Variants in DMBT1 observed in about 807,000 individuals in gnomAD.
DMBT1 encodes the protein deleted in malignant brain tumors 1.
A neutral mutation model predicts 252.9 loss-of-function variants in DMBT1; 198 were observed. The ratio of observed to expected loss-of-function variants is 0.78; its 90% CI spans 0.70 to 0.88. The LOEUF is 0.88. Among genes scored for constraint, DMBT1 ranks in the 40% least tolerant of loss-of-function variants. The pLI, the probability that DMBT1 is intolerant of heterozygous loss-of-function variation, is 0.00. For synonymous variants in DMBT1, 990 were observed against 942.7 expected (o/e 1.05, Z -0.92); for missense variants, 2,432 against 2,404.7 (o/e 1.01, Z -0.24).
At chr10:122,571,655 G>A (rs1244725674) in intron 4 of DMBT1, among the ~76,000 whole-genome samples, 1 of 152,160 alleles carries the variant, frequency 6.6e-6, no homozygotes, top group East Asian at 1.9e-4. Context: ...TTTAATTCAT[G>A]AAGAAACCTG....
chr10:122,568,093 A>G (rs919492516), intron 2 of DMBT1, among the ~76,000 whole-genome samples: 3 of 152,210 alleles, frequency 2.0e-5, no homozygotes, highest in Non-Finnish European at 4.4e-5. Flanking sequence ...GGCTTATCCC[A>G]GTGAAATGGC....
intron 6 of DMBT1, among the ~76,000 whole-genome samples, chr10:122,574,337 G>C (rs1432478445): frequency 6.6e-6 from 1 of 152,184 alleles, no homozygotes; most frequent in African/African-American, 2.4e-5. Context: ...GGCAGCCTGG[G>C]CTTTGGGAAG....
At position 122,619,343 on chromosome 10, in the gene DMBT1, T is replaced by A. The variant is rs1555010205; in HGVS notation, c.5245+6T>A. On this transcript the variant is annotated splice_donor_region_variant and intron_variant, in intron 42 of 55. Coordinates refer to ENST00000338354, the MANE Select transcript of DMBT1 (RefSeq NM_001377530.1). Reference sequence around the variant, plus strand: ...CCAGTCAACGCCCAGGCCAGGTGAGTCCCCAGCATCCTTCATCGGGATGTC... The same window carrying A: ...CCAGTCAACGCCCAGGCCAGGTGAGACCCCAGCATCCTTCATCGGGATGTC... 4 of 1,613,790 alleles carry A rather than the reference T, an allele frequency of 2.5e-6. No homozygotes were observed. Among genetic ancestry groups the A allele is most frequent in the Non-Finnish European group, 1.7e-6 (2 of 1,179,876 alleles).
At chr10:122,566,106 C>A in intron 2 of DMBT1, 110 bp downstream of exon 2, 1 of 1,202,114 alleles carries the variant, frequency 8.3e-7, no homozygotes, top group Non-Finnish European at 1.2e-6. Context: ...AAACGCCTGC[C>A]TTGTCGAATG....
intron 1 of DMBT1, among the ~76,000 whole-genome samples, chr10:122,563,999 G>T (rs1460178400): frequency 6.6e-6 from 1 of 152,220 alleles, no homozygotes; most frequent in African/African-American, 2.4e-5. Context: ...TCAGAAAAGA[G>T]GTGGGGATGT....
At chr10:122,617,926 G>T in intron 40 of DMBT1, 91 bp from the exon 41 acceptor site, 1 of 1,574,990 alleles carries the variant, frequency 6.3e-7, no homozygotes, top group Non-Finnish European at 8.6e-7. Context: ...AGGTGACTCT[G>T]GCCATTAGGA....
rs1038321544 is a variant in DMBT1, at chr10:122,621,427, T to C, written c.5608+47T>C. 2.5e-6 allele frequency: 4 copies of C among 1,612,260 alleles called. No individual in the cohort carries two copies. The African/African-American group carries it at 5.3e-5, about 22-fold the overall frequency. On this transcript the variant is annotated intron_variant, in intron 44 of 55. Coordinates refer to ENST00000338354, the MANE Select transcript of DMBT1 (RefSeq NM_001377530.1). ...CTCCCTCTCTTGGGGTGGAGTTTGC[T>C]CCAGAAGAAACTCCTAATTACATTC...
rs568455533 is a variant in DMBT1, at chr10:122,585,559, A to G, written c.1459+250A>G. 3.2e-4 allele frequency among the ~76,000 whole-genome samples: 48 copies of G among 148,374 alleles called. 2 individuals carry two copies. The highest frequency in any genetic ancestry group is 1.0e-3 in the East Asian group (5 of 4,790). ...CAGGAAACATCCTCATCCAGGTGCC[A>G]AGGAAAAGCCCTGGAAGCTTCCCTA... On this transcript the variant is annotated intron_variant, in intron 15 of 55. Coordinates refer to ENST00000338354, the MANE Select transcript of DMBT1 (RefSeq NM_001377530.1).
chr10:122,567,776 T>A (rs2097611669), intron 2 of DMBT1, among the ~76,000 whole-genome samples: 1 of 152,096 alleles, frequency 6.6e-6, no homozygotes, highest in South Asian at 2.1e-4. Flanking sequence ...GGAAGCAGGC[T>A]CAATTAGCCC....
Position 122,619,645 on chromosome 10 carries a change from G to A in DMBT1, c.5245+308G>A, listed in dbSNP as rs563037847. Among the ~76,000 whole-genome samples the A allele has an allele frequency of 5.9e-5, 9 of 152,318 alleles. No homozygotes were observed. In the South Asian group the frequency reaches 1.7e-3, roughly 28 times the overall value. ...CTTTAGCTCATTTATATTCAGAGCT[G>A]ATACAACCTTTCTGAGAATTGAGAG... is the stretch of plus-strand genomic sequence containing the variant. On this transcript the variant is annotated intron_variant, in intron 42 of 55. Transcript: ENST00000338354.
Position 122,618,302 on chromosome 10 carries a change from A to G in DMBT1, c.5177A>G (p.Asn1726Ser), listed in dbSNP as rs1213212024. 12 of 1,613,732 alleles carry G rather than the reference A, an allele frequency of 7.4e-6. No homozygotes were observed. The highest frequency in any genetic ancestry group is 3.3e-5 in the Admixed American group (2 of 59,994). ...SCPHNGWLSH[N>S]CGHHEDAGVI... is the part of the protein sequence containing the mutation. Reference sequence around the variant, plus strand: ...CCCCACAATGGCTGGCTCTCCCACAACTGTGGCCATCATGAAGATGCTGGT... The same window carrying G: ...CCCCACAATGGCTGGCTCTCCCACAGCTGTGGCCATCATGAAGATGCTGGT... The change falls in exon 41 of 56, where the codon AAC becomes AGC. Residue 1726 changes from asparagine to serine, a missense_variant. Around this residue, in one of 3 missense-constraint regions of DMBT1, gnomAD observed 1,162 missense variants for 1,169.0 expected, o/e 0.99. Transcript: ENST00000338354.
Position 122,586,267 on chromosome 10 carries a change from T to C in DMBT1, c.1667T>C (p.Ile556Thr), listed in dbSNP as rs766039747. The change falls in exon 16 of 56, where the codon ATT (isoleucine) becomes ACT (threonine). Residue 556 changes from isoleucine to threonine, a missense_variant. This residue lies in a region of DMBT1 where 1,264 missense variants were observed against 1,082.2 expected (regional missense o/e 1.17). Transcript: ENST00000338354. ...CGGTTTGGTCAGGGCTCAGGACCCA[T>C]TGTCCTGGATGACGTGCGCTGCTCA... ...NARFGQGSGP[I>T]VLDDVRCSGN... 6.3e-7 allele frequency: 1 copy of C among 1,588,772 alleles called. No individual in the cohort carries two copies. The highest frequency in any genetic ancestry group is 1.1e-5 in the South Asian group (1 of 86,992).
chr10:122,636,496 C>T (rs2098228376), intron 53 of DMBT1, among the ~76,000 whole-genome samples: 2 of 152,222 alleles, frequency 1.3e-5, no homozygotes, highest in African/African-American at 4.8e-5. Context: ...GTGCCAAAGG[C>T]AGAGGTGACC....
intron 41 of DMBT1, among the ~76,000 whole-genome samples, chr10:122,618,765 C>T (rs1294193587): frequency 6.6e-6 from 1 of 152,196 alleles, no homozygotes; most frequent in Non-Finnish European, 1.5e-5. Flanking sequence ...TCAGCTGAGA[C>T]CCAGTGAGGA....
chr10:122,570,294 G>A, intron 3 of DMBT1, 85 bp downstream of exon 3: 2 of 1,125,324 alleles, frequency 1.8e-6, no homozygotes, highest in East Asian at 2.4e-5. Flanking sequence ...AGATGCAGAA[G>A]CCATACTTCT....
rs560185074 is a variant in DMBT1, at chr10:122,580,249, G to A, written c.1003+348G>A. ...AGCACAGACAGCAAGGCAGGGGAGG[G>A]ATCCCCTCACTGCGAGGAACTCTGA... On this transcript the variant is annotated intron_variant, in intron 10 of 55. Transcript: ENST00000338354. 2.0e-5 allele frequency among the ~76,000 whole-genome samples: 3 copies of A among 152,310 alleles called. No individual in the cohort carries two copies. In the East Asian group the frequency reaches 5.8e-4, roughly 29 times the overall value.
At chr10:122,618,393 A>T (rs962059519) in intron 41 of DMBT1, 53 bp downstream of exon 41, 8 of 1,613,078 alleles carry the variant, frequency 5.0e-6, no homozygotes, top group African/African-American at 1.3e-5. Context: ...TTGCTCAGGA[A>T]GAAAATCCTA....
At chr10:122,634,447 TC>T (rs759996096) in intron 52 of DMBT1, among the ~76,000 whole-genome samples, 6 of 74,828 alleles carry the variant, frequency 8.0e-5, no homozygotes, top group East Asian at 5.7e-4. Context: ...TCTCTCTCTC[TC>T]TCTCTCTCTC....
At position 122,576,525 on chromosome 10, in the gene DMBT1, A is replaced by C. The variant is rs776344618; in HGVS notation, c.410A>C (p.Asn137Thr). The change falls in exon 7 of 56, where the codon AAC (asparagine) becomes ACC (threonine). Residue 137 changes from asparagine to threonine, a missense_variant. By Grantham distance (65) the Asn-to-Thr change is moderately conservative (BLOSUM62 0). This residue lies in a region of DMBT1 where 1,264 missense variants were observed against 1,082.2 expected (regional missense o/e 1.17). Transcript: ENST00000338354. ...GACAGCTGGGACACCAATGATGCCA[A>C]CGTGGTCTGTAGGCAGCTGGGTTGT... ...CDDSWDTNDA[N>T]VVCRQLGCGW... The C allele has an allele frequency of 7.4e-6, 12 of 1,613,866 alleles. No homozygotes were observed. The African/African-American group carries it at 1.6e-4, about 22-fold the overall frequency.
Sources: allele counts gnomAD v4.1 joint callset (sites outside exome capture counted in the v4.1 genomes callset), GRCh38; gene constraint gnomAD v4.1.1; regional missense constraint gnomAD v4.1.1; transcripts MANE v1.5; gene names NCBI Gene and HGNC (gene_info 2026-07-23, HGNC 2026-07-21).